The following PLCXD3 variants were observed in gnomAD, a reference collection of about 807,000 sequenced individuals.
PLCXD3 encodes PI-PLC X domain-containing protein 3.
Under a neutral mutation model 25.5 loss-of-function variants are expected in PLCXD3, and 19 were observed. That is an observed-to-expected ratio of 0.75 (90% CI 0.52 to 1.09). The LOEUF (loss-of-function observed/expected upper bound fraction) is 1.09. Ranked by LOEUF, PLCXD3 falls within the 50% of genes least tolerant of loss-of-function variation. The pLI is 0.00. For missense variants in PLCXD3, 411 were observed against 388.1 expected (o/e 1.06, Z -0.50); for synonymous variants, 174 against 137.6 (o/e 1.26, Z -1.85).
intron 2 of PLCXD3, among the ~76,000 whole-genome samples, chr5:41,366,126 T>C (rs1744930857): frequency 6.6e-6 from 1 of 152,026 alleles, no homozygotes; most frequent in Non-Finnish European, 1.5e-5. Context: ...TGGTGTGTGA[T>C]GTTCCCCACC....
chr5:41,342,255 G>T (rs1744172316), intron 2 of PLCXD3, among the ~76,000 whole-genome samples: 2 of 152,152 alleles, frequency 1.3e-5, no homozygotes, highest in South Asian at 4.1e-4. Context: ...ATGCCAAATG[G>T]TTACTGCCTG....
intron 2 of PLCXD3, among the ~76,000 whole-genome samples, chr5:41,361,565 T>G (rs1320644972): frequency 6.6e-6 from 1 of 152,130 alleles, no homozygotes; most frequent in African/African-American, 2.4e-5. Context: ...ATCCCTAATA[T>G]CCACTTTGGG....
chr5:41,445,775 A>T (rs1184460746), intron 1 of PLCXD3, among the ~76,000 whole-genome samples: 3 of 152,176 alleles, frequency 2.0e-5, no homozygotes, highest in Non-Finnish European at 4.4e-5. Flanking sequence ...GGTCTTATTT[A>T]AAAAAATATT....
At chr5:41,418,851 A>G (rs1488338485) in intron 1 of PLCXD3, among the ~76,000 whole-genome samples, 1 of 152,198 alleles carries the variant, frequency 6.6e-6, no homozygotes, top group East Asian at 1.9e-4. Context: ...ATTTCCTATG[A>G]TTTACAATGA....
chr5:41,435,163 A>T (rs1253718638), intron 1 of PLCXD3, among the ~76,000 whole-genome samples: 5 of 152,184 alleles, frequency 3.3e-5, no homozygotes, highest in Admixed American at 3.3e-4. Flanking sequence ...CTATTTTGTA[A>T]CCTGCTTTTA....
At chr5:41,360,609 G>T (rs1435211736) in intron 2 of PLCXD3, among the ~76,000 whole-genome samples, 6 of 152,158 alleles carry the variant, frequency 3.9e-5, no homozygotes, top group Non-Finnish European at 7.3e-5. Flanking sequence ...GAGCCAAAAT[G>T]CAGTGATTGT....
chr5:41,469,058 C>A (rs551956437), intron 1 of PLCXD3, among the ~76,000 whole-genome samples: 17 of 152,216 alleles, frequency 1.1e-4, no homozygotes, highest in African/African-American at 3.9e-4. Context: ...CCCTTTATAG[C>A]TAATCTGCTG....
chr5:41,365,892 T>G (rs1744921274), intron 2 of PLCXD3, among the ~76,000 whole-genome samples: 1 of 151,908 alleles, frequency 6.6e-6, no homozygotes, highest in Non-Finnish European at 1.5e-5. Flanking sequence ...TTCTTTGTCC[T>G]TGTTCTCAAT....
Position 41,313,525 on chromosome 5 carries a change from A to C in PLCXD3, c.*92T>G, listed in dbSNP as rs533502968. 93 of 1,488,940 alleles carry C rather than the reference A, an allele frequency of 6.2e-5. No individual in the cohort carries two copies. The highest frequency in any genetic ancestry group is 8.6e-5 in the Non-Finnish European group (93 of 1,075,176). 92.2% of individuals were successfully genotyped at this position (1,488,940 alleles called of 1,614,324 possible). On this transcript the variant is annotated 3_prime_UTR_variant, in exon 3 of 3. Transcript: ENST00000377801. The stretch of plus-strand genomic sequence containing the variant: ...CCAGCCCTATTCCCTTCAGAGACTC[A>C]GTGGAATAGGAAGATCAGAGTGTTT...
chr5:41,350,956 G>T (rs916626538), intron 2 of PLCXD3, among the ~76,000 whole-genome samples: 3 of 151,914 alleles, frequency 2.0e-5, no homozygotes, highest in Non-Finnish European at 4.4e-5. Context: ...CTAAAAAAAA[G>T]ATTTCTGGTC....
intron 1 of PLCXD3, among the ~76,000 whole-genome samples, chr5:41,425,679 T>C (rs1746941481): frequency 6.6e-6 from 1 of 152,198 alleles, no homozygotes; most frequent in Non-Finnish European, 1.5e-5. Context: ...ATCTTTTTAC[T>C]GTTTTCATAA....
At chr5:41,478,174 G>A (rs890889319) in intron 1 of PLCXD3, among the ~76,000 whole-genome samples, 1 of 152,132 alleles carries the variant, frequency 6.6e-6, no homozygotes, top group African/African-American at 2.4e-5. Context: ...TAAAGATGAT[G>A]GTATCTGTTA....
intron 1 of PLCXD3, among the ~76,000 whole-genome samples, chr5:41,446,515 T>C (rs1271615277): frequency 2.0e-5 from 3 of 150,624 alleles, no homozygotes; most frequent in Non-Finnish European, 4.4e-5. Context: ...AAAATCCCCA[T>C]GGAATGAATA....
At chr5:41,471,923 TTCCCC>T (rs1748175546) in intron 1 of PLCXD3, among the ~76,000 whole-genome samples, 2 of 8,206 alleles carry the variant, frequency 2.4e-4, no homozygotes, top group African/African-American at 9.1e-4. Flanking sequence ...TTCCCTTCCC[TTCCCC>T]TCCCTTCCCC....
intron 2 of PLCXD3, among the ~76,000 whole-genome samples, chr5:41,323,281 A>G (rs1743531231): frequency 6.6e-6 from 1 of 152,196 alleles, no homozygotes; most frequent in South Asian, 2.1e-4. Flanking sequence ...AAAAGTTAGA[A>G]AGAAGAAATG....
chr5:41,466,342 T>C (rs1748017637), intron 1 of PLCXD3, among the ~76,000 whole-genome samples: 1 of 152,108 alleles, frequency 6.6e-6, no homozygotes, highest in Non-Finnish European at 1.5e-5. Context: ...ATATGTACTA[T>C]AAAAATGTGA....
intron 2 of PLCXD3, among the ~76,000 whole-genome samples, chr5:41,371,788 A>G (rs982535994): frequency 2.6e-5 from 4 of 152,118 alleles, no homozygotes; most frequent in African/African-American, 9.7e-5. Context: ...CTTGTGCCCC[A>G]CTCAGGAGCC....
chr5:41,345,237 C>A (rs1744265758), intron 2 of PLCXD3, among the ~76,000 whole-genome samples: 1 of 152,146 alleles, frequency 6.6e-6, no homozygotes. Context: ...TCTAACCAGA[C>A]AAGACAAAAT....
rs913621740 is a variant in PLCXD3 at position 41,312,522 on chromosome 5, C to A, written c.*1095G>T. 1 of 152,072 alleles carries A rather than the reference C, an allele frequency of 6.6e-6. No individual in the cohort carries two copies. The highest frequency in any genetic ancestry group is 6.6e-5 in the Admixed American group (1 of 15,250). The allele number at this position is 152,072 out of a possible 1,614,324, so 9.4% of individuals were successfully genotyped here. On this transcript the variant is annotated 3_prime_UTR_variant, in exon 3 of 3. Transcript: ENST00000377801. ...AATCCCAAATTGGCAGGAAAGCTTG[C>A]AGTCTTTTTCTTCTTCCTTCCTCTC...
Sources: gnomAD v4.1 joint callset for allele counts (sites outside exome capture counted in the v4.1 genomes callset) on GRCh38, gnomAD v4.1.1 for gene constraint, MANE v1.5 for transcripts, NCBI Gene and HGNC (gene_info 2026-07-23, HGNC 2026-07-21) for gene names.